The following ITPRID1 variants were observed in gnomAD, a reference collection of about 807,000 sequenced individuals.
The protein encoded by ITPRID1 is ITPR interacting domain containing 1.
Under a neutral mutation model 95.4 loss-of-function variants are expected in ITPRID1, and 96 were observed. The ratio of observed to expected loss-of-function variants is 1.01; its 90% confidence interval spans 0.85 to 1.19. The LOEUF is 1.19. Among genes scored for constraint, ITPRID1 ranks in the 50% most tolerant of loss-of-function variants. The pLI is 0.00. For synonymous variants in ITPRID1, 510 were observed against 453.6 expected (o/e 1.12, Z -1.58); for missense variants, 1,339 against 1,252.9 (o/e 1.07, Z -1.04).
In ITPRID1 at chr7:31,652,690, C is replaced by T. The variant is rs149268880; in HGVS notation, c.2996C>T (p.Thr999Ile). ...CAGGAGGCTCCCTGTTCAGGTGGGA[C>T]CCAGTTGGCTGCCTTCACTCCACCC... ...DGQEAPCSGG[T>I]QLAAFTPPTL... The change falls in exon 15 of 15, where the codon ACC (threonine) becomes ATC (isoleucine). Residue 999 changes from threonine (T) to isoleucine (I), a missense_variant. Thr to Ile is a moderately conservative substitution (Grantham distance 89, BLOSUM62 -1). Transcript: ENST00000615280. The T allele has an allele frequency of 5.0e-6, 8 of 1,613,780 alleles. No individual in the cohort carries two copies. Among genetic ancestry groups the T allele is most frequent in the Admixed American group, 1.7e-5 (1 of 59,980 alleles).
chr7:31,589,273 C>T (rs550152065), intron 10 of ITPRID1, among the ~76,000 whole-genome samples: 3 of 151,914 alleles, frequency 2.0e-5, no homozygotes, highest in East Asian at 1.9e-4. Flanking sequence ...ATCCAACAAT[C>T]GGAAGATCAG....
Position 31,569,952 on chromosome 7 carries a change from A to G in ITPRID1, c.308+143A>G, listed in dbSNP as rs972363213. ...GGTAACTGGTTTAGTCACAGTGCCTAGAATGTTTACATCAGCTTTGAGAGA... is the reference window on the plus strand; with the variant it reads ...GGTAACTGGTTTAGTCACAGTGCCTGGAATGTTTACATCAGCTTTGAGAGA... On this transcript the variant is annotated intron_variant, in intron 6 of 14. Coordinates refer to ENST00000615280, the MANE Select transcript of ITPRID1 (RefSeq NM_001257967.3). 4 of 605,164 alleles carry G rather than the reference A, an allele frequency of 6.6e-6. No individual in the cohort carries two copies. In the African/African-American group the frequency reaches 7.6e-5, roughly 11 times the overall value. The allele number at this position is 605,164 out of a possible 1,614,324, so 37.5% of individuals were successfully genotyped here. A position where few individuals can be genotyped will look rare whatever the true frequency, so the allele number is the denominator to read the frequency against.
chr7:31,640,537 ACT>A (rs1262054425), intron 10 of ITPRID1, among the ~76,000 whole-genome samples: 7 of 151,714 alleles, frequency 4.6e-5, no homozygotes, highest in African/African-American at 9.7e-5. Context: ...AGACCTGTAA[ACT>A]CTCTCAAAGC....
chr7:31,620,500 G>C (rs1357055347), intron 10 of ITPRID1, among the ~76,000 whole-genome samples: 4 of 150,916 alleles, frequency 2.7e-5, no homozygotes, highest in African/African-American at 7.3e-5. Context: ...AGGCAAACAG[G>C]GTCTGGAGTG....
chr7:31,595,340 C>T (rs527467922), intron 10 of ITPRID1, among the ~76,000 whole-genome samples: 187 of 71,842 alleles, frequency 2.6e-3, no homozygotes, highest in African/African-American at 7.4e-3. Flanking sequence ...CCACCATGCC[C>T]GGCCTACACA....
intron 9 of ITPRID1, 26 bp downstream of exon 9, chr7:31,578,460 C>A: frequency 6.6e-7 from 1 of 1,517,444 alleles, no homozygotes. Flanking sequence ...ACGTACCAGC[C>A]TCCTAAGGGA....
intron 1 of ITPRID1, chr7:31,529,622 G>C: frequency 1.6e-6 from 1 of 633,614 alleles, no homozygotes; most frequent in Non-Finnish European, 2.7e-6. Context: ...CAAACAGACT[G>C]TCTTGGCTTT....
chr7:31,640,611 G>A (rs1789933676), intron 10 of ITPRID1, among the ~76,000 whole-genome samples: 1 of 151,608 alleles, frequency 6.6e-6, no homozygotes, highest in African/African-American at 2.4e-5. Context: ...ACTGCTGTCT[G>A]TAACTGTCTG....
At position 31,655,356 on chromosome 7, in the gene ITPRID1, G is replaced by T. The variant is rs1018734023; in HGVS notation, c.*2527G>T. 1.9e-4 allele frequency among the ~76,000 whole-genome samples: 29 copies of T among 152,108 alleles called. No homozygotes were observed. Among genetic ancestry groups the T allele is most frequent in the African/African-American group, 6.8e-4 (28 of 41,436 alleles). On this transcript the variant is annotated 3_prime_UTR_variant, in exon 15 of 15. Transcript: ENST00000615280. The stretch of plus-strand genomic sequence containing the variant: ...GTCTACTGCCACAAAATACCTCCCA[G>T]AAGTTTCCTCAGAACGAATTACCTG...
chr7:31,566,503 G>A (rs1265248650), intron 5 of ITPRID1, among the ~76,000 whole-genome samples: 4 of 152,168 alleles, frequency 2.6e-5, no homozygotes, highest in Admixed American at 6.5e-5. Context: ...GAATCATCTC[G>A]AAGAGCTAAA....
intron 8 of ITPRID1, among the ~76,000 whole-genome samples, chr7:31,577,522 C>T (rs2128146330): frequency 6.6e-6 from 1 of 152,288 alleles, no homozygotes; most frequent in Non-Finnish European, 1.5e-5. Flanking sequence ...GCACTGGATT[C>T]ACTGCTTAAT....
At position 31,620,003 on chromosome 7, in the gene ITPRID1, T is replaced by G. The variant is rs530629356; in HGVS notation, c.1229-22173T>G. On this transcript the variant is annotated intron_variant, in intron 10 of 14. Transcript: ENST00000615280. ...CCTACGCCCACGGAGTCTCGCTGAT[T>G]GCTAGCACAGCAGTCTGAGATCAAA... 1.3e-4 allele frequency among the ~76,000 whole-genome samples: 20 copies of G among 152,302 alleles called. No individual in the cohort carries two copies. In the East Asian group the frequency reaches 3.9e-3, roughly 30 times the overall value.
intron 1 of ITPRID1, among the ~76,000 whole-genome samples, chr7:31,516,755 T>C (rs758809687): frequency 1.3e-5 from 2 of 152,222 alleles, no homozygotes; most frequent in African/African-American, 4.8e-5. Flanking sequence ...GACTTCTCTG[T>C]GACAAGATGT....
chr7:31,570,613 G>C (rs1398855850), intron 6 of ITPRID1, among the ~76,000 whole-genome samples: 4 of 152,104 alleles, frequency 2.6e-5, no homozygotes, highest in Non-Finnish European at 4.4e-5. Flanking sequence ...GGTTGTTTTT[G>C]CTACTTATAG....
At chr7:31,582,342 G>GA (rs1027450089) in intron 9 of ITPRID1, among the ~76,000 whole-genome samples, 5 of 152,062 alleles carry the variant, frequency 3.3e-5, no homozygotes, top group African/African-American at 7.2e-5. Context: ...ACAATATCCA[G>GA]AAAAAATGTA....
chr7:31,655,209 C>T lies in ITPRID1; in HGVS notation c.*2380C>T, dbSNP rs27330. On this transcript the variant is annotated 3_prime_UTR_variant, in exon 15 of 15. Coordinates refer to ENST00000615280, the MANE Select transcript of ITPRID1 (RefSeq NM_001257967.3). Reference sequence around the variant, plus strand: ...TCATTGCCCCAACTCAGTTCATCTTCCTGATCCTCTCTGTCAGTGGCACAG... The same window carrying T: ...TCATTGCCCCAACTCAGTTCATCTTTCTGATCCTCTCTGTCAGTGGCACAG... Among the ~76,000 whole-genome samples, 25,107 of 152,152 alleles carry T rather than the reference C, an allele frequency of 0.17. 2,565 individuals carry two copies. Among genetic ancestry groups the T allele is most frequent in the Non-Finnish European group, 0.21 (14,498 of 67,988 alleles).
Position 31,653,638 on chromosome 7 carries a change from A to T in ITPRID1, c.*809A>T, listed in dbSNP as rs1428224186. On this transcript the variant is annotated 3_prime_UTR_variant, in exon 15 of 15. Transcript: ENST00000615280. Reference sequence around the variant, plus strand: ...ATTTAGCTTTTAAAAAAATCTTTGTAGCTATCTCATTTAGAAATAAAATGG... The same window carrying T: ...ATTTAGCTTTTAAAAAAATCTTTGTTGCTATCTCATTTAGAAATAAAATGG... 1 of 152,246 alleles carries T rather than the reference A, an allele frequency of 6.6e-6. No individual in the cohort carries two copies. Among genetic ancestry groups the T allele is most frequent in the African/African-American group, 2.4e-5 (1 of 41,466 alleles). The allele number at this position is 152,246 out of a possible 1,614,324, so 9.4% of individuals were successfully genotyped here. A position where few individuals can be genotyped will look rare whatever the true frequency, so the allele number is the denominator to read the frequency against.
At chr7:31,560,786 T>C (rs1391509100) in intron 5 of ITPRID1, among the ~76,000 whole-genome samples, 1 of 152,158 alleles carries the variant, frequency 6.6e-6, no homozygotes, top group Non-Finnish European at 1.5e-5. Flanking sequence ...TTAATAAATA[T>C]CCAAGAAGGT....
chr7:31,557,878 G>A (rs996878638), intron 5 of ITPRID1, among the ~76,000 whole-genome samples: 1 of 152,158 alleles, frequency 6.6e-6, no homozygotes, highest in Non-Finnish European at 1.5e-5. Context: ...CACGTGTTAT[G>A]CGTGGAAACC....
Sources: gnomAD v4.1 joint callset for allele counts (sites outside exome capture counted in the v4.1 genomes callset) on GRCh38, gnomAD v4.1.1 for gene constraint, MANE v1.5 for transcripts, NCBI Gene and HGNC (gene_info 2026-07-23, HGNC 2026-07-21) for gene names.